The following GABRB2 variants were observed in gnomAD, a reference collection of about 807,000 sequenced individuals.
GABRB2 encodes gamma-aminobutyric acid receptor subunit beta-2.
In GABRB2, 16 loss-of-function variants were observed where a neutral mutation model predicts 54.7. The observed-to-expected ratio is 0.29, with a 90% CI of 0.20 to 0.44. The LOEUF (loss-of-function observed/expected upper bound fraction) is 0.44, where lower values mean the gene tolerates loss of function less well. GABRB2 is among the 20% of genes least tolerant of loss of function. The pLI, the probability that GABRB2 is intolerant of heterozygous loss-of-function variation, is 1.00. For missense variants in GABRB2, 355 were observed against 644.0 expected, an observed-to-expected ratio of 0.55 and a Z score of 4.86; for synonymous variants, 244 against 233.8, an observed-to-expected ratio of 1.04 and a Z score of -0.40.
In GABRB2 at chr5:161,509,581, T is replaced by G. The variant is rs183848322; in HGVS notation, c.237+35646A>C. 9.1e-4 allele frequency among the ~76,000 whole-genome samples: 138 copies of G among 152,134 alleles called. 1 individual carries two copies. The highest frequency in any genetic ancestry group is 3.2e-3 in the African/African-American group (132 of 41,568). On this transcript the variant is annotated intron_variant, in intron 3 of 9. Coordinates refer to ENST00000393959, the MANE Select transcript of GABRB2 (RefSeq NM_001371727.1). ...GTCGATTTCTGTACTCATGGCACTC[T>G]ATCGTATCATTTATTTACACATCTC...
At chr5:161,490,521 AT>A (rs1759068168) in intron 3 of GABRB2, among the ~76,000 whole-genome samples, 1 of 151,742 alleles carries the variant, frequency 6.6e-6, no homozygotes, top group Non-Finnish European at 1.5e-5. Context: ...TTGAGATATT[AT>A]AAGTCATTAA....
intron 3 of GABRB2, among the ~76,000 whole-genome samples, chr5:161,530,594 A>G (rs1581062257): frequency 6.6e-6 from 1 of 152,152 alleles, no homozygotes; most frequent in Non-Finnish European, 1.5e-5. Context: ...GTCTTATAGA[A>G]GAGAAATTTG....
intron 3 of GABRB2, among the ~76,000 whole-genome samples, chr5:161,505,253 C>T (rs773775815): frequency 7.2e-5 from 11 of 151,876 alleles, no homozygotes; most frequent in Non-Finnish European, 1.6e-4. Context: ...CTCAGCCTCC[C>T]GAGAGGAGCT....
intron 3 of GABRB2, among the ~76,000 whole-genome samples, chr5:161,475,870 C>T (rs1379615600): frequency 2.0e-5 from 3 of 151,892 alleles, no homozygotes; most frequent in African/African-American, 4.8e-5. Context: ...AGACTGAAAG[C>T]TTTTCTTCTG....
intron 5 of GABRB2, among the ~76,000 whole-genome samples, chr5:161,400,709 G>A (rs1267598818): frequency 2.0e-5 from 3 of 152,176 alleles, no homozygotes; most frequent in African/African-American, 7.2e-5. Context: ...ATGGGAATCA[G>A]TATCCTTGTA....
chr5:161,546,814 A>T (rs1428946431), upstream of GABRB2: 22 of 1,421,052 alleles, frequency 1.5e-5, no homozygotes, highest in Admixed American at 2.9e-5. Context: ...AAAAAAAAAA[A>T]AAAAATTAAA....
rs116157310 is a variant in GABRB2, at chr5:161,430,749, G to A, written c.459-19692C>T. Among the ~76,000 whole-genome samples the A allele has an allele frequency of 6.3e-3, 959 of 152,182 alleles. 5 individuals are homozygous for A. The highest frequency in any genetic ancestry group is 0.014 in the Middle Eastern group (4 of 294). On this transcript the variant is annotated intron_variant, in intron 4 of 9. Transcript: ENST00000393959. ...CTGATGTGAGTACTTATGTTCAAGC[G>A]CCCTGGGAAGTGTAATTTAAAGCTC...
intron 3 of GABRB2, among the ~76,000 whole-genome samples, chr5:161,513,750 A>T (rs1474965326): frequency 6.6e-6 from 1 of 152,066 alleles, no homozygotes; most frequent in Non-Finnish European, 1.5e-5. Flanking sequence ...TATATCTGTA[A>T]TAAACCTGCA....
intron 5 of GABRB2, among the ~76,000 whole-genome samples, chr5:161,352,171 CAT>C (rs1754489369): frequency 6.6e-6 from 1 of 151,824 alleles, no homozygotes; most frequent in Admixed American, 6.6e-5. Context: ...ATAGAACTAC[CAT>C]ATATATGACC....
chr5:161,310,513 T>G (rs1757829847), intron 9 of GABRB2, among the ~76,000 whole-genome samples: 1 of 152,190 alleles, frequency 6.6e-6, no homozygotes, highest in African/African-American at 2.4e-5. Context: ...TTCCCATGCC[T>G]ATGCATGATT....
intron 3 of GABRB2, among the ~76,000 whole-genome samples, chr5:161,542,739 A>T (rs1456312868): frequency 6.6e-6 from 1 of 152,198 alleles, no homozygotes; most frequent in Admixed American, 6.5e-5. Flanking sequence ...GCAGTCCACA[A>T]AGGATAATGA....
chr5:161,389,594 G>C (rs1275159683), intron 5 of GABRB2, among the ~76,000 whole-genome samples: 1 of 151,648 alleles, frequency 6.6e-6, no homozygotes, highest in Non-Finnish European at 1.5e-5. Flanking sequence ...GTGTGTGTGT[G>C]TGTGTAAAGA....
At chr5:161,487,599 C>T (rs1169631185) in intron 3 of GABRB2, among the ~76,000 whole-genome samples, 3 of 151,886 alleles carry the variant, frequency 2.0e-5, no homozygotes, top group Non-Finnish European at 4.4e-5. Flanking sequence ...GGGTTTGGAA[C>T]CCAGTCCTGG....
intron 4 of GABRB2, among the ~76,000 whole-genome samples, chr5:161,438,148 C>A (rs1757362738): frequency 6.6e-6 from 1 of 152,162 alleles, no homozygotes; most frequent in South Asian, 2.1e-4. Flanking sequence ...GTGGTGGTGG[C>A]AACAGGGGTG....
At chr5:161,332,389 G>T (rs1753879015) in intron 7 of GABRB2, among the ~76,000 whole-genome samples, 1 of 152,078 alleles carries the variant, frequency 6.6e-6, no homozygotes, top group African/African-American at 2.4e-5. Flanking sequence ...GGACAATTAG[G>T]CATATAATGC....
chr5:161,517,924 G>GT (rs369109680), intron 3 of GABRB2, among the ~76,000 whole-genome samples: 5 of 152,000 alleles, frequency 3.3e-5, no homozygotes, highest in African/African-American at 1.2e-4. Context: ...AGCCTCCCAA[G>GT]TAACTGGGAC....
At chr5:161,425,727 A>G (rs1336988440) in intron 4 of GABRB2, among the ~76,000 whole-genome samples, 1 of 152,106 alleles carries the variant, frequency 6.6e-6, no homozygotes, top group Non-Finnish European at 1.5e-5. Flanking sequence ...CTCAATATTT[A>G]TAGTTAATTA....
intron 3 of GABRB2, among the ~76,000 whole-genome samples, chr5:161,500,604 T>C (rs1283326280): frequency 1.3e-5 from 2 of 152,208 alleles, no homozygotes; most frequent in African/African-American, 2.4e-5. Context: ...ATGTCTAAAC[T>C]ACTAGCATGA....
chr5:161,410,491 AAAC>A (rs1756478273), intron 5 of GABRB2, among the ~76,000 whole-genome samples: 1 of 152,110 alleles, frequency 6.6e-6, no homozygotes, highest in South Asian at 2.1e-4. Context: ...TAGTCCCTTG[AAAC>A]AACAACAGAA....
Sources: allele counts gnomAD v4.1 joint callset (sites outside exome capture counted in the v4.1 genomes callset), GRCh38; gene constraint gnomAD v4.1.1; transcripts MANE v1.5; gene names NCBI Gene and HGNC (gene_info 2026-07-23, HGNC 2026-07-21).